ATF6: variants seen among roughly 807,000 people sequenced by gnomAD.
ATF6 encodes activating transcription factor 6.
Under a neutral mutation model 83.6 loss-of-function variants are expected in ATF6, and 53 were observed. The ratio of observed to expected loss-of-function variants is 0.63; its 90% CI spans 0.51 to 0.80. The LOEUF (loss-of-function observed/expected upper bound fraction) is 0.80. Among genes scored for constraint, ATF6 ranks in the 30% least tolerant of loss-of-function variants. The pLI is 0.00. For synonymous variants in ATF6, 288 were observed against 285.8 expected, an observed-to-expected ratio of 1.01 and a Z score of -0.08; for missense variants, 744 against 797.9, an observed-to-expected ratio of 0.93 and a Z score of 0.81.
At chr1:161,868,406 C>G (rs550575529) in intron 14 of ATF6, among the ~76,000 whole-genome samples, 3 of 152,030 alleles carry the variant, frequency 2.0e-5, no homozygotes, top group East Asian at 3.9e-4. Flanking sequence ...TTCTTTTTTC[C>G]CCGTTCTTAG....
rs547668522 is a variant in ATF6, at chr1:161,777,067, G to A, written c.83-1177G>A. On this transcript the variant is annotated intron_variant, in intron 1 of 15. Coordinates refer to ENST00000367942, the MANE Select transcript of ATF6 (RefSeq NM_007348.4). Reference sequence around the variant, plus strand: ...TCAACTATGTTAATGCTGTTGATAGGTCAAGTAAGATGAGGACTATGAGTT... The same window carrying A: ...TCAACTATGTTAATGCTGTTGATAGATCAAGTAAGATGAGGACTATGAGTT... Among the ~76,000 whole-genome samples, 22 of 152,340 alleles carry A rather than the reference G, an allele frequency of 1.4e-4. No homozygotes were observed. In the South Asian group the frequency reaches 4.4e-3, roughly 30 times the overall value.
At chr1:161,881,051 T>C (rs998248183) in intron 14 of ATF6, among the ~76,000 whole-genome samples, 1 of 152,204 alleles carries the variant, frequency 6.6e-6, no homozygotes, top group Non-Finnish European at 1.5e-5. Flanking sequence ...ATAAATCTTC[T>C]TTGGTGAAGG....
rs555083426 is a variant in ATF6 at position 161,780,492 on chromosome 1, G to A, written c.160-1420G>A. Among the ~76,000 whole-genome samples, 51 of 151,854 alleles carry A rather than the reference G, an allele frequency of 3.4e-4. 1 individual carries two copies. In the South Asian group the frequency reaches 0.01, roughly 31 times the overall value. ...GGGTTCACACCATTCTCCTGCCTCA[G>A]CCTCCTGAGTAGCTGGGACTCCAGG... On this transcript the variant is annotated intron_variant, in intron 2 of 15. Coordinates refer to ENST00000367942, the MANE Select transcript of ATF6 (RefSeq NM_007348.4).
At chr1:161,775,381 A>G (rs996586860) in intron 1 of ATF6, among the ~76,000 whole-genome samples, 5 of 152,126 alleles carry the variant, frequency 3.3e-5, no homozygotes, top group African/African-American at 7.2e-5. Context: ...AATAACCCCA[A>G]TCTATATCAG....
chr1:161,780,132 C>A (rs1684601352), intron 2 of ATF6, among the ~76,000 whole-genome samples: 1 of 151,884 alleles, frequency 6.6e-6, no homozygotes, highest in Non-Finnish European at 1.5e-5. Flanking sequence ...GATTTAAATA[C>A]TTTTTTTTCA....
Position 161,812,179 on chromosome 1 carries a change from G to C in ATF6, c.910-7454G>C, listed in dbSNP as rs190198955. ...AAATCTTATAACAGCTCTTTGAAAT[G>C]AATCAGGGCCCTGAGGAATACAGAG... On this transcript the variant is annotated intron_variant, in intron 7 of 15. Transcript: ENST00000367942. Among the ~76,000 whole-genome samples, 303 of 152,114 alleles carry C rather than the reference G, an allele frequency of 2.0e-3. 1 individual carries two copies. The highest frequency in any genetic ancestry group is 7.2e-3 in the African/African-American group (298 of 41,492).
chr1:161,766,447 G>T lies in ATF6; in HGVS notation c.82+5G>T, dbSNP rs797045170. On this transcript the variant is annotated splice_donor_5th_base_variant and intron_variant, in intron 1 of 15. Transcript: ENST00000367942. ...ACAGGCTGGATGAAGATTGGGGTGA[G>T]TGGGATCTGAGAATGTACCAGGGTG... The T allele has an allele frequency of 1.2e-6, 2 of 1,612,646 alleles. No individual in the cohort carries two copies. Among genetic ancestry groups the T allele is most frequent in the Non-Finnish European group, 1.7e-6 (2 of 1,179,246 alleles).
At chr1:161,871,543 C>A (rs1687124406) in intron 14 of ATF6, among the ~76,000 whole-genome samples, 1 of 151,522 alleles carries the variant, frequency 6.6e-6, no homozygotes, top group Admixed American at 6.6e-5. Context: ...GCTTAAAGTT[C>A]TCATCAAATT....
At chr1:161,846,299 G>T in intron 9 of ATF6, 150 bp from the exon 10 acceptor site, 1 of 752,412 alleles carries the variant, frequency 1.3e-6, no homozygotes, top group Non-Finnish European at 2.0e-6. Flanking sequence ...AACACCTTCA[G>T]TACCCTATTT....
intron 6 of ATF6, among the ~76,000 whole-genome samples, chr1:161,792,936 T>C (rs1471322856): frequency 6.6e-6 from 1 of 152,200 alleles, no homozygotes; most frequent in African/African-American, 2.4e-5. Flanking sequence ...TATTCAGATA[T>C]GGGAGTCATT....
intron 1 of ATF6, among the ~76,000 whole-genome samples, chr1:161,772,042 T>C (rs190219550): frequency 6.6e-6 from 1 of 152,366 alleles, no homozygotes; most frequent in East Asian, 1.9e-4. Flanking sequence ...TGCCTTCGCC[T>C]GTTTTACCAG....
At chr1:161,938,593 T>G (rs1260555394) in intron 15 of ATF6, among the ~76,000 whole-genome samples, 3 of 152,218 alleles carry the variant, frequency 2.0e-5, no homozygotes, top group African/African-American at 7.2e-5. Flanking sequence ...GTCATCACAC[T>G]GTAACAATTA....
chr1:161,768,863 A>G (rs1420499520), intron 1 of ATF6, among the ~76,000 whole-genome samples: 1 of 151,924 alleles, frequency 6.6e-6, no homozygotes, highest in Non-Finnish European at 1.5e-5. Flanking sequence ...CACTGTGTCT[A>G]GCCTTGATTT....
intron 15 of ATF6, among the ~76,000 whole-genome samples, chr1:161,939,485 T>G (rs1219184542): frequency 6.6e-6 from 1 of 152,254 alleles, no homozygotes; most frequent in East Asian, 1.9e-4. Flanking sequence ...TAGGCTACTA[T>G]GACAGAGGCC....
chr1:161,894,250 A>G (rs1296981509), intron 14 of ATF6, among the ~76,000 whole-genome samples: 1 of 149,694 alleles, frequency 6.7e-6, no homozygotes, highest in African/African-American at 2.5e-5. Flanking sequence ...TTTTTAAGAA[A>G]TGGTTTTAAA....
At chr1:161,803,364 G>A (rs1685203282) in intron 7 of ATF6, among the ~76,000 whole-genome samples, 2 of 152,278 alleles carry the variant, frequency 1.3e-5, no homozygotes, top group African/African-American at 4.8e-5. Flanking sequence ...CGTTTGTATA[G>A]GTATTGAAAA....
At chr1:161,948,072 C>G (rs554818991) in intron 15 of ATF6, among the ~76,000 whole-genome samples, 9 of 152,000 alleles carry the variant, frequency 5.9e-5, no homozygotes, top group South Asian at 2.1e-4. Flanking sequence ...GATCCACCCC[C>G]CCGTCAGCCT....
intron 7 of ATF6, among the ~76,000 whole-genome samples, chr1:161,807,865 C>CT (rs761462420): frequency 0.016 from 520 of 32,292 alleles, 143 homozygotes; most frequent in African/African-American, 0.033. Flanking sequence ...AGTTTGTCAT[C>CT]TTTTTTTTTT....
At chr1:161,867,428 AGAT>A (rs1190710634) in intron 14 of ATF6, among the ~76,000 whole-genome samples, 3 of 152,196 alleles carry the variant, frequency 2.0e-5, no homozygotes, top group Non-Finnish European at 4.4e-5. Context: ...GTTAAGAAGA[AGAT>A]GATTTTAAAA....
Sources: allele counts gnomAD v4.1 joint callset (sites outside exome capture counted in the v4.1 genomes callset), GRCh38; gene constraint gnomAD v4.1.1; transcripts MANE v1.5; gene names NCBI Gene and HGNC (gene_info 2026-07-23, HGNC 2026-07-21).